MAF: variants seen among roughly 807,000 people sequenced by gnomAD.
The protein encoded by MAF is MAF bZIP transcription factor.
Under a neutral mutation model 22.0 loss-of-function variants are expected in MAF, and 10 were observed. The ratio of observed to expected loss-of-function variants is 0.45; its 90% CI spans 0.28 to 0.77. The LOEUF is 0.77. Ranked by LOEUF, MAF falls within the 30% of genes least tolerant of loss-of-function variation. The pLI is 0.12. For missense variants in MAF, 544 were observed against 548.4 expected (o/e 0.99, Z 0.08); for synonymous variants, 337 against 255.8 (o/e 1.32, Z -3.03).
chr16:79,504,641 A>T, the MAF span, among the ~76,000 whole-genome samples: 2 of 152,072 alleles, frequency 1.3e-5, no homozygotes, highest in Non-Finnish European at 2.9e-5. Flanking sequence ...GAATGGATGG[A>T]TAAATAAATG....
chr16:79,254,841 C>T, the MAF span, among the ~76,000 whole-genome samples: 124 of 152,332 alleles, frequency 8.1e-4, no homozygotes, highest in African/African-American at 2.8e-3. Flanking sequence ...AATACCAGCT[C>T]AACCATTGAT....
the MAF span, among the ~76,000 whole-genome samples, chr16:79,417,760 T>C: frequency 6.6e-6 from 1 of 152,174 alleles, no homozygotes; most frequent in Non-Finnish European, 1.5e-5. Context: ...AGGAGCTTAG[T>C]TTTGTTTACA....
At chr16:79,549,629 ACACT>A in the MAF span, among the ~76,000 whole-genome samples, 1 of 152,158 alleles carries the variant, frequency 6.6e-6, no homozygotes, top group Non-Finnish European at 1.5e-5. Flanking sequence ...TTTCGGATAG[ACACT>A]CACTTGAAAA....
the MAF span, among the ~76,000 whole-genome samples, chr16:79,306,106 C>T: frequency 6.6e-6 from 1 of 152,208 alleles, no homozygotes; most frequent in Non-Finnish European, 1.5e-5. Context: ...TAACGTTGGC[C>T]TTTTAGGGCT....
chr16:79,300,777 G>C, the MAF span, among the ~76,000 whole-genome samples: 1 of 151,100 alleles, frequency 6.6e-6, no homozygotes, highest in African/African-American at 2.4e-5. Flanking sequence ...TGTGTATATA[G>C]CAGATAAGAG....
At chr16:79,485,338 T>C in the MAF span, among the ~76,000 whole-genome samples, 1 of 152,228 alleles carries the variant, frequency 6.6e-6, no homozygotes, top group Non-Finnish European at 1.5e-5. Context: ...CGACAGCGAT[T>C]GGCACACAGG....
At chr16:79,552,088 A>AC in the MAF span, among the ~76,000 whole-genome samples, 3 of 151,094 alleles carry the variant, frequency 2.0e-5, no homozygotes, top group Non-Finnish European at 4.4e-5. Flanking sequence ...CCGCCCCAAG[A>AC]CCCCCCTGCC....
At chr16:79,480,392 A>T in the MAF span, among the ~76,000 whole-genome samples, 20 of 152,234 alleles carry the variant, frequency 1.3e-4, no homozygotes, top group Admixed American at 1.3e-3. Context: ...AAAAAAAGCC[A>T]ATTCCAAGCA....
chr16:79,498,174 G>A, the MAF span, among the ~76,000 whole-genome samples: 74 of 152,232 alleles, frequency 4.9e-4, no homozygotes, highest in African/African-American at 1.7e-3. Flanking sequence ...CCAGTACTTG[G>A]GCACACTTGC....
chr16:79,547,464 G>T, the MAF span, among the ~76,000 whole-genome samples: 29,013 of 151,834 alleles, frequency 0.19, 3,459 homozygotes, highest in Non-Finnish European at 0.28. Flanking sequence ...GTCTATACAA[G>T]CATCCAAATT....
At chr16:79,323,548 G>A in the MAF span, among the ~76,000 whole-genome samples, 1 of 152,194 alleles carries the variant, frequency 6.6e-6, no homozygotes, top group South Asian at 2.1e-4. Context: ...GATGAAAGGA[G>A]AGAGACAAAG....
the MAF span, among the ~76,000 whole-genome samples, chr16:79,567,015 C>G: frequency 6.6e-6 from 1 of 152,106 alleles, no homozygotes; most frequent in Non-Finnish European, 1.5e-5. Context: ...GAAAGACTAC[C>G]TACAATTGAG....
chr16:79,537,144 T>C, the MAF span, among the ~76,000 whole-genome samples: 4 of 152,224 alleles, frequency 2.6e-5, no homozygotes, highest in Non-Finnish European at 5.9e-5. Context: ...GCACATTTTA[T>C]TGAATGATAA....
intron 1 of MAF, among the ~76,000 whole-genome samples, chr16:79,587,039 T>C (rs1337635917): frequency 6.6e-6 from 1 of 152,198 alleles, no homozygotes; most frequent in East Asian, 1.9e-4. Context: ...TAACAGAACA[T>C]ATAATCTTTC....
chr16:79,384,117 G>A, the MAF span, among the ~76,000 whole-genome samples: 1 of 152,146 alleles, frequency 6.6e-6, no homozygotes, highest in Non-Finnish European at 1.5e-5. Flanking sequence ...CAGGAAGGGA[G>A]TCAGGAAAGT....
the MAF span, among the ~76,000 whole-genome samples, chr16:79,575,022 A>ATTT: frequency 6.3e-5 from 9 of 143,688 alleles, no homozygotes; most frequent in Admixed American, 4.2e-4. Flanking sequence ...ATCACTGGGA[A>ATTT]TTTTTTTTTT....
chr16:79,203,880 A>G, the MAF span: 1 of 152,354 alleles, frequency 6.6e-6, no homozygotes, highest in Non-Finnish European at 1.5e-5. Flanking sequence ...AGCTATAACC[A>G]TAACAGAGGT....
chr16:79,261,673 G>A, the MAF span, among the ~76,000 whole-genome samples: 1 of 152,194 alleles, frequency 6.6e-6, no homozygotes, highest in Non-Finnish European at 1.5e-5. Flanking sequence ...TGTCAGGCTG[G>A]CTGCAGTGGA....
chr16:79,440,197 G>C, the MAF span, among the ~76,000 whole-genome samples: 1 of 152,232 alleles, frequency 6.6e-6, no homozygotes, highest in South Asian at 2.1e-4. Context: ...AGGAAGAAAA[G>C]CCAGAAAAGG....
Sources: gnomAD v4.1 joint callset for allele counts (sites outside exome capture counted in the v4.1 genomes callset) on GRCh38, gnomAD v4.1.1 for gene constraint, MANE v1.5 for transcripts, NCBI Gene and HGNC (gene_info 2026-07-23, HGNC 2026-07-21) for gene names.